The following PVT1 variants were observed in gnomAD, a reference collection of about 807,000 sequenced individuals.
PVT1 encodes the protein CXCR4/PVT1 fusion.
Position 127,996,834 on chromosome 8 carries a change from A to G in PVT1, n.912+7543A>G, listed in dbSNP as rs568834991. On this transcript the variant is annotated intron_variant and non_coding_transcript_variant, in intron 4 of 10. Transcript: ENST00000651587. Reference sequence around the variant, plus strand: ...AGGTAGCACTTCTGTGAAGCCGGAAAGGAGACCTGAACCTGGCTCTCTGCT... The same window carrying G: ...AGGTAGCACTTCTGTGAAGCCGGAAGGGAGACCTGAACCTGGCTCTCTGCT... Among the ~76,000 whole-genome samples the G allele has an allele frequency of 2.9e-3, 434 of 152,072 alleles. 3 individuals are homozygous for G. Among genetic ancestry groups the G allele is most frequent in the Middle Eastern group, 0.024 (7 of 294 alleles).
chr8:127,866,442 T>C (rs1815287227), intron 2 of PVT1, among the ~76,000 whole-genome samples: 1 of 152,192 alleles, frequency 6.6e-6, no homozygotes, highest in East Asian at 1.9e-4. Flanking sequence ...TGGCTTGTCC[T>C]GCTCTTGGAT....
chr8:127,978,750 T>C (rs2129975793), intron 3 of PVT1, among the ~76,000 whole-genome samples: 1 of 152,284 alleles, frequency 6.6e-6, no homozygotes, highest in South Asian at 2.1e-4. Flanking sequence ...CCTCCCAAAG[T>C]GCTGGGATTA....
At chr8:127,985,042 CTTT>C (rs748656064) in intron 3 of PVT1, among the ~76,000 whole-genome samples, 1 of 118,280 alleles carries the variant, frequency 8.5e-6, no homozygotes, top group Non-Finnish European at 1.7e-5. Flanking sequence ...TCCTTTCCTT[CTTT>C]TTTTTTTTGA....
At chr8:127,949,559 C>G (rs901078250) in intron 3 of PVT1, among the ~76,000 whole-genome samples, 2 of 151,944 alleles carry the variant, frequency 1.3e-5, no homozygotes, top group African/African-American at 4.8e-5. Flanking sequence ...CCCCACCCCC[C>G]ATCCCTGGTA....
chr8:128,086,208 C>T (rs929487128), intron 5 of PVT1, among the ~76,000 whole-genome samples: 4 of 152,146 alleles, frequency 2.6e-5, no homozygotes, highest in South Asian at 4.1e-4. Flanking sequence ...TTTTAGGACA[C>T]GAACTAGTAG....
intron 2 of PVT1, among the ~76,000 whole-genome samples, chr8:127,890,009 T>C (rs1815581187): frequency 6.6e-6 from 1 of 151,992 alleles, no homozygotes; most frequent in African/African-American, 2.4e-5. Flanking sequence ...GATGGGAGAG[T>C]GCTGGGTACC....
intron 2 of PVT1, among the ~76,000 whole-genome samples, chr8:127,870,352 A>C (rs1459310710): frequency 6.6e-6 from 1 of 152,186 alleles, no homozygotes; most frequent in African/African-American, 2.4e-5. Flanking sequence ...AGGATCTTTC[A>C]TGGAGCCTTC....
At chr8:127,812,264 C>G (rs10088204) in intron 2 of PVT1, among the ~76,000 whole-genome samples, 1 of 125,950 alleles carries the variant, frequency 7.9e-6, no homozygotes, top group African/African-American at 3.8e-5. Flanking sequence ...GGCAGGAAGG[C>G]AGGAAGGAAG....
chr8:127,853,377 G>A (rs1815125992), intron 2 of PVT1, among the ~76,000 whole-genome samples: 1 of 152,178 alleles, frequency 6.6e-6, no homozygotes, highest in Non-Finnish European at 1.5e-5. Flanking sequence ...CCCCCCACGA[G>A]TGAGTTTGAG....
chr8:128,062,436 CAAAT>C (rs1015170472), intron 4 of PVT1, among the ~76,000 whole-genome samples: 2 of 151,870 alleles, frequency 1.3e-5, no homozygotes, highest in African/African-American at 4.8e-5. Context: ...AGGAAACAAA[CAAAT>C]AAAAAAGAAG....
chr8:128,062,639 C>T (rs1410207237), intron 4 of PVT1, among the ~76,000 whole-genome samples: 1 of 152,040 alleles, frequency 6.6e-6, no homozygotes, highest in East Asian at 1.9e-4. Context: ...TATGTATTTG[C>T]TAGTAAAAAT....
intron 2 of PVT1, among the ~76,000 whole-genome samples, chr8:127,840,436 G>A (rs1814960960): frequency 6.6e-6 from 1 of 152,242 alleles, no homozygotes; most frequent in Admixed American, 6.5e-5. Context: ...TGGAACGTTT[G>A]ATAATCAGAG....
chr8:127,969,541 T>TCC (rs1816740667), intron 3 of PVT1, among the ~76,000 whole-genome samples: 1 of 152,220 alleles, frequency 6.6e-6, no homozygotes, highest in African/African-American at 2.4e-5. Flanking sequence ...CAGATTGGTA[T>TCC]GCAGCCATTC....
chr8:127,843,889 A>C (rs1242320260), intron 2 of PVT1, among the ~76,000 whole-genome samples: 4 of 151,794 alleles, frequency 2.6e-5, no homozygotes, highest in Non-Finnish European at 4.4e-5. Context: ...ATGCCTTCCA[A>C]AGCTGCTAAG....
chr8:128,039,694 G>A (rs1532560), intron 4 of PVT1, among the ~76,000 whole-genome samples: 45,901 of 151,994 alleles, frequency 0.3, 7,419 homozygotes, highest in East Asian at 0.49. Context: ...GAAACTTTTT[G>A]GCAGGTTCTG....
At chr8:127,974,836 T>A (rs1189558536) in intron 3 of PVT1, among the ~76,000 whole-genome samples, 1 of 152,240 alleles carries the variant, frequency 6.6e-6, no homozygotes, top group Non-Finnish European at 1.5e-5. Context: ...ATATCTGATA[T>A]GTTTTGTCTT....
At chr8:128,034,242 C>T (rs1197373535) in intron 4 of PVT1, among the ~76,000 whole-genome samples, 2 of 151,760 alleles carry the variant, frequency 1.3e-5, no homozygotes, top group Non-Finnish European at 2.9e-5. Context: ...AACATAAATC[C>T]AGGGATGTAT....
chr8:128,056,033 T>G (rs1468886548), intron 4 of PVT1, among the ~76,000 whole-genome samples: 2 of 152,168 alleles, frequency 1.3e-5, no homozygotes, highest in African/African-American at 2.4e-5. Context: ...AAGTTGCTTT[T>G]CAGGTTTATG....
chr8:127,926,230 A>C (rs1816128039), intron 3 of PVT1, among the ~76,000 whole-genome samples: 1 of 152,174 alleles, frequency 6.6e-6, no homozygotes, highest in African/African-American at 2.4e-5. Context: ...GGCCTAGGGA[A>C]GGTGACTGCA....
Sources: allele counts gnomAD v4.1 joint callset (sites outside exome capture counted in the v4.1 genomes callset), GRCh38; gene constraint gnomAD v4.1.1; transcripts MANE v1.5; gene names NCBI Gene and HGNC (gene_info 2026-07-23, HGNC 2026-07-21).